RGMB: variants seen among roughly 807,000 people sequenced by gnomAD.
RGMB encodes repulsive guidance molecule BMP co-receptor b.
Under a neutral mutation model 26.9 loss-of-function variants are expected in RGMB, and 16 were observed. That is an observed-to-expected ratio of 0.60 (90% CI 0.40 to 0.90). The LOEUF (loss-of-function observed/expected upper bound fraction) is 0.90. RGMB is among the 40% of genes least tolerant of loss of function. The pLI is 0.00. For missense variants in RGMB, 512 were observed against 573.3 expected, an observed-to-expected ratio of 0.89 and a Z score of 1.09; for synonymous variants, 225 against 229.3, an observed-to-expected ratio of 0.98 and a Z score of 0.17.
chr5:98,792,781 A>AAC (rs1554068755), intron 2 of RGMB: 2 of 198,590 alleles, frequency 1.0e-5, no homozygotes, highest in South Asian at 1.4e-4. Context: ...TAAAAAAAAA[A>AAC]AAAAAAAAAA....
Position 98,781,765 on chromosome 5 carries a change from A to T in RGMB, c.645+1677A>T, listed in dbSNP as rs537748911. On this transcript the variant is annotated intron_variant, in intron 2 of 2. Coordinates refer to ENST00000513185, the MANE Select transcript of RGMB (RefSeq NM_001366508.1). ...TATTCTTCATGCCTTCCATCCGGTCATGTCACTTCTGTTATTCAGTCTTTC... is the reference window on the plus strand; with the variant it reads ...TATTCTTCATGCCTTCCATCCGGTCTTGTCACTTCTGTTATTCAGTCTTTC... 3.3e-5 allele frequency among the ~76,000 whole-genome samples: 5 copies of T among 152,330 alleles called. No homozygotes were observed. The East Asian group carries it at 9.6e-4, about 29-fold the overall frequency.
Position 98,780,108 on chromosome 5 carries a change from T to TC in RGMB, c.645+23dup, listed in dbSNP as rs765895050. 2.5e-6 allele frequency: 4 copies of TC among 1,590,260 alleles called. No homozygotes were observed. Among genetic ancestry groups the TC allele is most frequent in the East Asian group, 2.2e-5 (1 of 44,746 alleles). On this transcript the variant is annotated intron_variant, in intron 2 of 2. Transcript: ENST00000513185. Reference sequence around the variant, plus strand: ...AATAAGGCAAGTATACCTTCTTTTTTCCCTCTCCCTACTCAACTTTCAAAA... The same window carrying TC: ...AATAAGGCAAGTATACCTTCTTTTTTCCCCTCTCCCTACTCAACTTTCAAAA...
At chr5:98,779,375 T>C (rs912744506) in intron 1 of RGMB, among the ~76,000 whole-genome samples, 1 of 152,254 alleles carries the variant, frequency 6.6e-6, no homozygotes, top group African/African-American at 2.4e-5. Flanking sequence ...GTAAGTTAAC[T>C]AATTGCATGC....
chr5:98,782,508 C>T (rs1746639772), intron 2 of RGMB, among the ~76,000 whole-genome samples: 2 of 152,140 alleles, frequency 1.3e-5, no homozygotes, highest in Admixed American at 1.3e-4. Context: ...CCCAGCTTTA[C>T]TGAGAATTTA....
At chr5:98,790,538 G>A (rs944706718) in intron 2 of RGMB, among the ~76,000 whole-genome samples, 1 of 152,172 alleles carries the variant, frequency 6.6e-6, no homozygotes, top group Non-Finnish European at 1.5e-5. Context: ...TGTGGGAGGT[G>A]TTTGAAATGA....
At chr5:98,783,260 CG>C (rs1189905043) in intron 2 of RGMB, among the ~76,000 whole-genome samples, 1 of 152,158 alleles carries the variant, frequency 6.6e-6, no homozygotes, top group African/African-American at 2.4e-5. Context: ...CTCTCCACCC[CG>C]GGGGCTGCAG....
Position 98,773,847 on chromosome 5 carries a change from C to G in RGMB, c.-224C>G. On this transcript the variant is annotated 5_prime_UTR_variant, in exon 1 of 3. Transcript: ENST00000513185. Reference sequence around the variant, plus strand: ...TTTCCCTGCCTGCCGCCTCCGGCCGCCACGATGCCCCTGCGCCCCGCTGCT... The same window carrying G: ...TTTCCCTGCCTGCCGCCTCCGGCCGGCACGATGCCCCTGCGCCCCGCTGCT... 2.1e-6 allele frequency: 1 copy of G among 473,904 alleles called. No individual in the cohort carries two copies. Among genetic ancestry groups the G allele is most frequent in the Non-Finnish European group, 3.6e-6 (1 of 274,032 alleles). The allele number at this position is 473,904 out of a possible 1,614,324, so 29.4% of individuals were successfully genotyped here.
chr5:98,770,544 C>T, upstream of RGMB: 1 of 902,542 alleles, frequency 1.1e-6, no homozygotes, highest in Non-Finnish European at 1.5e-6. Flanking sequence ...GGGCTCTCTC[C>T]CTCCGCGAGT....
intron 2 of RGMB, 123 bp from the exon 3 acceptor site, chr5:98,792,962 C>T (rs1746979107): frequency 3.0e-6 from 2 of 674,460 alleles, no homozygotes; most frequent in South Asian, 2.4e-5. Flanking sequence ...CAGTTGGGTC[C>T]ATTTTGGAGA....
At chr5:98,769,612 A>AG (rs1746086219), upstream of RGMB, 1 of 152,536 alleles carries the variant, frequency 6.6e-6, no homozygotes, top group Admixed American at 6.5e-5. Context: ...GCTGCAGACA[A>AG]GGGAATGCCT....
chr5:98,783,621 T>A (rs1436152166), intron 2 of RGMB, among the ~76,000 whole-genome samples: 1 of 152,232 alleles, frequency 6.6e-6, no homozygotes, highest in African/African-American at 2.4e-5. Context: ...ATTCTGTGGA[T>A]CTTTATATCT....
intron 1 of RGMB, among the ~76,000 whole-genome samples, chr5:98,774,872 T>G (rs1164639145): frequency 6.6e-6 from 1 of 152,170 alleles, no homozygotes. Flanking sequence ...CATGCTGCCT[T>G]CTGGAGGTCG....
rs1746263842 is a variant in RGMB at position 98,773,723 on chromosome 5, C to G, written c.-348C>G. ...GGGCTGGGCCAGCCTCTTGGAGGTC[C>G]ACGCCCGCCGAGCCCACGCTGGCTG... On this transcript the variant is annotated 5_prime_UTR_variant, in exon 1 of 3. Coordinates refer to ENST00000513185, the MANE Select transcript of RGMB (RefSeq NM_001366508.1). The G allele has an allele frequency of 2.6e-6, 1 of 377,370 alleles. No individual in the cohort carries two copies. Among genetic ancestry groups the G allele is most frequent in the Non-Finnish European group, 4.7e-6 (1 of 212,976 alleles). 23.4% of individuals were successfully genotyped at this position (377,370 alleles called of 1,614,324 possible).
chr5:98,788,942 A>G (rs1003304783), intron 2 of RGMB, among the ~76,000 whole-genome samples: 2 of 152,188 alleles, frequency 1.3e-5, no homozygotes, highest in South Asian at 4.1e-4. Flanking sequence ...GCTGTTAACC[A>G]TGTGTTAAGA....
upstream of RGMB, chr5:98,768,761 C>G (rs1746056371): frequency 6.6e-6 from 1 of 152,268 alleles, no homozygotes; most frequent in African/African-American, 2.4e-5. Context: ...GGTAAGATCG[C>G]TGGATTCCTT....
chr5:98,779,786 C>T lies in RGMB; in HGVS notation c.343C>T (p.Leu115Phe), dbSNP rs1331408773. ...YHSAVLGISDLMSQRNCSKDG... is the reference protein window; with the variant it reads ...YHSAVLGISDFMSQRNCSKDG... ...TTCTGCCGTGTTGGGTATCAGTGAC[C>T]TCATGAGCCAGAGGAATTGTTCCAA... Residue 115 changes from leucine (L) to phenylalanine (F), a missense_variant, in exon 2 of 3, where the codon CTC becomes TTC. By Grantham distance (22) the Leu-to-Phe change is conservative (BLOSUM62 0). Transcript: ENST00000513185. The T allele has an allele frequency of 6.2e-7, 1 of 1,614,032 alleles. No homozygotes were observed.
In RGMB at chr5:98,773,977, G is replaced by GC. The variant is rs1746282254; in HGVS notation, c.-88dup. On this transcript the variant is annotated 5_prime_UTR_variant, in exon 1 of 3. Transcript: ENST00000513185. ...GAAGGAAGAAGAGGAAGCGAAGCGC[G>GC]CCCCCCGGCCCATGCCGCAGCCACG... 1.8e-5 allele frequency: 11 copies of GC among 623,454 alleles called. No individual in the cohort carries two copies. Among genetic ancestry groups the GC allele is most frequent in the South Asian group, 7.0e-5 (4 of 57,202 alleles). 38.6% of individuals were successfully genotyped at this position (623,454 alleles called of 1,614,324 possible).
intron 2 of RGMB, among the ~76,000 whole-genome samples, chr5:98,791,582 C>T (rs1406377834): frequency 7.2e-5 from 11 of 152,040 alleles, no homozygotes; most frequent in Non-Finnish European, 1.2e-4. Flanking sequence ...TCCTCCATCC[C>T]GAGTAATTCA....
intron 1 of RGMB, among the ~76,000 whole-genome samples, chr5:98,778,374 A>G (rs1217161062): frequency 3.9e-5 from 6 of 152,178 alleles, no homozygotes; most frequent in Non-Finnish European, 8.8e-5. Flanking sequence ...CCCCATCCAG[A>G]ATACAAATCA....
Sources: gnomAD v4.1 joint callset for allele counts (sites outside exome capture counted in the v4.1 genomes callset) on GRCh38, gnomAD v4.1.1 for gene constraint, MANE v1.5 for transcripts, NCBI Gene and HGNC (gene_info 2026-07-23, HGNC 2026-07-21) for gene names.